The following LAMA2 variants were observed in gnomAD, a reference collection of about 807,000 sequenced individuals.
The protein encoded by LAMA2 is laminin subunit alpha-2.
In LAMA2, 269 loss-of-function variants were observed where a neutral mutation model predicts 364.8. That is an observed-to-expected ratio of 0.74 (90% CI 0.67 to 0.82). The LOEUF is 0.82. Ranked by LOEUF, LAMA2 falls within the 40% of genes least tolerant of loss-of-function variation. LAMA2 has a pLI of 0.00. For missense variants in LAMA2, 3,807 were observed against 3,873.2 expected (o/e 0.98, Z 0.45); for synonymous variants, 1,379 against 1,370.6 (o/e 1.01, Z -0.14).
intron 40 of LAMA2, 105 bp from the exon 41 acceptor site, chr6:129,427,647 G>T: frequency 1.3e-6 from 1 of 791,696 alleles, no homozygotes; most frequent in South Asian, 1.4e-5. Context: ...CTGCAGCCCA[G>T]AGCTCTTTCC....
intron 12 of LAMA2, 98 bp from the exon 13 acceptor site, chr6:129,250,014 C>A: frequency 1.3e-6 from 1 of 783,272 alleles, no homozygotes. Flanking sequence ...GCAAATACTG[C>A]CCTATAGAAC....
chr6:128,965,979 GTTTTTT>G (rs11342050), intron 1 of LAMA2, among the ~76,000 whole-genome samples: 3 of 112,796 alleles, frequency 2.7e-5, no homozygotes, highest in African/African-American at 1.0e-4. Flanking sequence ...TAAACCAGAG[GTTTTTT>G]TTTTTTTTTT....
chr6:129,310,750 T>C (rs1774164849), intron 22 of LAMA2, among the ~76,000 whole-genome samples: 1 of 152,024 alleles, frequency 6.6e-6, no homozygotes, highest in African/African-American at 2.4e-5. Context: ...GGAAAGACAG[T>C]GAAGGAGTTA....
intron 14 of LAMA2, among the ~76,000 whole-genome samples, chr6:129,258,018 C>G (rs895904467): frequency 4.6e-5 from 7 of 151,920 alleles, no homozygotes; most frequent in African/African-American, 1.7e-4. Context: ...GTCTATCTAC[C>G]CATCCGTCCA....
At chr6:129,460,669 T>G (rs899906281) in intron 49 of LAMA2, among the ~76,000 whole-genome samples, 1 of 152,030 alleles carries the variant, frequency 6.6e-6, no homozygotes, top group African/African-American at 2.4e-5. Context: ...CTCATTGTTA[T>G]AATTTTTTTT....
intron 40 of LAMA2, among the ~76,000 whole-genome samples, chr6:129,409,371 C>T (rs1780409205): frequency 6.6e-6 from 1 of 152,136 alleles, no homozygotes; most frequent in African/African-American, 2.4e-5. Flanking sequence ...GGAGTGGAGG[C>T]CATGGGCGTT....
intron 39 of LAMA2, among the ~76,000 whole-genome samples, chr6:129,403,031 G>A (rs745538185): frequency 6.6e-6 from 1 of 152,168 alleles, no homozygotes; most frequent in Non-Finnish European, 1.5e-5. Context: ...AGGAGGGAGA[G>A]TAAAGAGGGA....
chr6:129,095,250 T>C (rs902151735), intron 3 of LAMA2, among the ~76,000 whole-genome samples: 1 of 152,220 alleles, frequency 6.6e-6, no homozygotes, highest in African/African-American at 2.4e-5. Flanking sequence ...TATTTTTGCA[T>C]AGGTCTAGCA....
chr6:129,240,802 A>G (rs1371274273), intron 12 of LAMA2, among the ~76,000 whole-genome samples: 2 of 152,234 alleles, frequency 1.3e-5, no homozygotes, highest in Admixed American at 1.3e-4. Context: ...AGGTGCTAGA[A>G]TTTACACTAT....
intron 62 of LAMA2, among the ~76,000 whole-genome samples, chr6:129,508,801 T>A (rs1786325166): frequency 6.6e-6 from 1 of 152,216 alleles, no homozygotes; most frequent in South Asian, 2.1e-4. Flanking sequence ...CCAAATCTAT[T>A]GTAACTAGTG....
At chr6:129,384,689 A>G (rs1261620331) in intron 35 of LAMA2, among the ~76,000 whole-genome samples, 1 of 152,046 alleles carries the variant, frequency 6.6e-6, no homozygotes, top group East Asian at 1.9e-4. Context: ...TAGACTGGAG[A>G]TGGAGATTTA....
rs183462679 is a variant in LAMA2, at chr6:129,378,124, C to G, written c.4960-4998C>G. ...TAAGAGAATGTTAAAATAAGAAAAT[C>G]CAAGATAGAGAATGAAAGGAAGATT... On this transcript the variant is annotated intron_variant, in intron 34 of 64. Coordinates refer to ENST00000421865, the MANE Select transcript of LAMA2 (RefSeq NM_000426.4). 2.6e-5 allele frequency among the ~76,000 whole-genome samples: 4 copies of G among 151,944 alleles called. No homozygotes were observed. In the East Asian group the frequency reaches 7.7e-4, roughly 29 times the overall value.
chr6:129,468,865 A>G (rs1783671221), intron 51 of LAMA2, among the ~76,000 whole-genome samples: 1 of 151,918 alleles, frequency 6.6e-6, no homozygotes, highest in South Asian at 2.1e-4. Context: ...AAATTACTGT[A>G]TCTGTTTAGG....
chr6:129,260,803 A>G lies in LAMA2; in HGVS notation c.2189A>G (p.Tyr730Cys). The G allele has an allele frequency of 6.2e-7, 1 of 1,603,520 alleles. No individual in the cohort carries two copies. Among genetic ancestry groups the G allele is most frequent in the African/African-American group, 1.3e-5 (1 of 74,828 alleles). The change falls in exon 15 of 65, where the codon TAT becomes TGT. Residue 730 changes from tyrosine to cysteine, a missense_variant. This residue lies in a region of LAMA2 where 3,333 missense variants were observed against 3,345.7 expected (regional missense o/e 1.00). Coordinates refer to ENST00000421865, the MANE Select transcript of LAMA2 (RefSeq NM_000426.4). ...GAAGTGTGTCAGTGCCCACCAGGGT[A>G]TACTGGCTCCTCTTGTGAAGTAAGC... ...AVEVCQCPPG[Y>C]TGSSCESCWP...
chr6:129,430,335 A>G (rs1781527641), intron 41 of LAMA2, among the ~76,000 whole-genome samples: 1 of 152,208 alleles, frequency 6.6e-6, no homozygotes. Context: ...TGCTTGGTTC[A>G]ATTCAGTACA....
chr6:129,186,764 A>C (rs3778135), intron 10 of LAMA2, among the ~76,000 whole-genome samples: 49,823 of 151,424 alleles, frequency 0.33, 11,186 homozygotes, highest in African/African-American at 0.65. Context: ...TTGTAATATA[A>C]TTATCTGAAG....
At chr6:129,020,236 C>T (rs1439093047) in intron 1 of LAMA2, among the ~76,000 whole-genome samples, 2 of 152,060 alleles carry the variant, frequency 1.3e-5, no homozygotes, top group African/African-American at 4.8e-5. Context: ...GTCATTTCTC[C>T]AGAATGGTAA....
At position 129,315,574 on chromosome 6, in the gene LAMA2, T is replaced by A. The variant is rs959940877; in HGVS notation, c.3654T>A (p.Val1218=). The A allele has an allele frequency of 6.2e-7, 1 of 1,614,088 alleles. No homozygotes were observed. Among genetic ancestry groups the A allele is most frequent in the African/African-American group, 1.3e-5 (1 of 74,932 alleles). Residue 1218 remains valine, a synonymous_variant, in exon 25 of 65, where the codon GTT becomes GTA. Transcript: ENST00000421865. ...TTGTTTTTCAACATCCAGAGATTGT[T>A]GCCCACATGGACCTGATGAGAGAAG... is the stretch of plus-strand genomic sequence containing the variant. The part of the protein sequence containing the change: ...KGIVFQHPEI[V]AHMDLMREDL...
intron 61 of LAMA2, among the ~76,000 whole-genome samples, chr6:129,505,873 G>A (rs1786028570): frequency 6.6e-6 from 1 of 152,060 alleles, no homozygotes; most frequent in African/African-American, 2.4e-5. Flanking sequence ...GAGAGACAAT[G>A]CCACGGAACA....
Sources: gnomAD v4.1 joint callset for allele counts (sites outside exome capture counted in the v4.1 genomes callset) on GRCh38, gnomAD v4.1.1 for gene constraint, gnomAD v4.1.1 regional missense constraint, MANE v1.5 for transcripts, NCBI Gene and HGNC (gene_info 2026-07-23, HGNC 2026-07-21) for gene names.